SNTA1: variants seen among roughly 807,000 people sequenced by gnomAD.
SNTA1 encodes the protein syntrophin alpha 1.
In SNTA1, 31 loss-of-function variants were observed where a neutral mutation model predicts 47.1. The ratio of observed to expected loss-of-function variants is 0.66; its 90% CI spans 0.49 to 0.89. The LOEUF is 0.89. SNTA1 is among the 40% of genes least tolerant of loss of function. The pLI, the probability that SNTA1 is intolerant of heterozygous loss-of-function variation, is 0.00. For synonymous variants in SNTA1, 300 were observed against 313.6 expected, an observed-to-expected ratio of 0.96 and a Z score of 0.46; for missense variants, 575 against 693.0, an observed-to-expected ratio of 0.83 and a Z score of 1.91.
Position 33,443,687 on chromosome 20 carries a change from A to G in SNTA1, c.-67T>C. 1 of 1,037,920 alleles carries G rather than the reference A, an allele frequency of 9.6e-7. No homozygotes were observed. The highest frequency in any genetic ancestry group is 1.2e-6 in the Non-Finnish European group (1 of 838,038). The allele number at this position is 1,037,920 out of a possible 1,614,324, so 64.3% of individuals were successfully genotyped here. A position where few individuals can be genotyped will look rare whatever the true frequency, so the allele number is the denominator to read the frequency against. On this transcript the variant is annotated 5_prime_UTR_variant, in exon 1 of 8. Transcript: ENST00000217381. ...CGCTTTGCCCAGCCCGCTCCGACCA[A>G]GCGCCCAGGGCAGAGGGCAGCGGGG...
intron 2 of SNTA1, among the ~76,000 whole-genome samples, chr20:33,432,637 A>C (rs1391214259): frequency 2.6e-5 from 4 of 152,194 alleles, no homozygotes; most frequent in African/African-American, 9.7e-5. Flanking sequence ...GCACTTTGGG[A>C]GGACTGCTAG....
chr20:33,430,395 TCTC>T (rs1990276509), intron 2 of SNTA1, among the ~76,000 whole-genome samples: 1 of 150,644 alleles, frequency 6.6e-6, no homozygotes, highest in African/African-American at 2.4e-5. Context: ...CTCAAGCAAT[TCTC>T]CTGCCTCAGC....
chr20:33,438,735 C>T, intron 2 of SNTA1, 106 bp downstream of exon 2: 2 of 978,166 alleles, frequency 2.0e-6, no homozygotes, highest in Non-Finnish European at 3.3e-6. Flanking sequence ...CTGCCCACCT[C>T]CCAGCCCCCA....
chr20:33,417,804 G>C lies in SNTA1; in HGVS notation c.616C>G (p.Pro206Ala). 1 of 1,614,122 alleles carries C rather than the reference G, an allele frequency of 6.2e-7. No individual in the cohort carries two copies. Among genetic ancestry groups the C allele is most frequent in the Middle Eastern group, 1.6e-4 (1 of 6,062 alleles). Residue 206 changes from proline (P) to alanine (A), a missense_variant, in exon 3 of 8, where the codon CCC becomes GCC. Physicochemically the swap from Pro to Ala is conservative, Grantham distance 27. Coordinates refer to ENST00000217381, the MANE Select transcript of SNTA1 (RefSeq NM_003098.3). Reference protein sequence around the residue: ...QRQPSSPGPTPRNFSEAKHMS... With the variant: ...QRQPSSPGPTARNFSEAKHMS... The stretch of plus-strand genomic sequence containing the variant: ...TGTTTGGCCTCGCTGAAGTTCCGGG[G>C]TGTGGGGCCAGGGGAGGAAGGCTGC...
At chr20:33,426,169 C>A (rs1172077556) in intron 2 of SNTA1, among the ~76,000 whole-genome samples, 1 of 151,902 alleles carries the variant, frequency 6.6e-6, no homozygotes, top group African/African-American at 2.4e-5. Context: ...TTCAGCTGGG[C>A]CAGGCGCAGT....
chr20:33,420,850 C>T (rs1434885889), intron 2 of SNTA1, among the ~76,000 whole-genome samples: 19 of 151,584 alleles, frequency 1.3e-4, no homozygotes, highest in Admixed American at 1.3e-3. Flanking sequence ...TGGGCGTGGT[C>T]GTGGGCACCT....
chr20:33,422,496 T>C (rs904077285), intron 2 of SNTA1, among the ~76,000 whole-genome samples: 2 of 149,924 alleles, frequency 1.3e-5, no homozygotes, highest in African/African-American at 2.5e-5. Context: ...AAACCCAGAG[T>C]TGGCTGGGCA....
intron 2 of SNTA1, among the ~76,000 whole-genome samples, chr20:33,418,792 C>CAAAAA (rs760390793): frequency 3.7e-4 from 21 of 57,448 alleles, no homozygotes; most frequent in African/African-American, 1.3e-3. Context: ...GACTCTGTCT[C>CAAAAA]AAAAAAAAAA....
chr20:33,410,465 G>A, intron 5 of SNTA1, 134 bp from the exon 6 acceptor site: 1 of 638,974 alleles, frequency 1.6e-6, no homozygotes, highest in South Asian at 1.9e-5. Flanking sequence ...TTGCCAGGGG[G>A]CACTGATTGA....
intron 1 of SNTA1, among the ~76,000 whole-genome samples, chr20:33,442,060 ACACT>A (rs1352295860): frequency 6.6e-6 from 1 of 152,202 alleles, no homozygotes; most frequent in Non-Finnish European, 1.5e-5. Context: ...CCCAGCACTG[ACACT>A]CACTATGTAA....
At chr20:33,436,729 G>A (rs911209186) in intron 2 of SNTA1, among the ~76,000 whole-genome samples, 4 of 152,006 alleles carry the variant, frequency 2.6e-5, no homozygotes, top group South Asian at 2.1e-4. Flanking sequence ...TTGGGAGGCC[G>A]AGGCAGGCAG....
intron 2 of SNTA1, among the ~76,000 whole-genome samples, chr20:33,430,724 G>A (rs1291797059): frequency 2.0e-5 from 3 of 151,662 alleles, no homozygotes; most frequent in Admixed American, 6.6e-5. Context: ...AGAGGAGGGC[G>A]GATCACATGA....
intron 3 of SNTA1, among the ~76,000 whole-genome samples, chr20:33,416,026 T>G (rs1989865082): frequency 6.6e-6 from 1 of 152,074 alleles, no homozygotes; most frequent in Admixed American, 6.6e-5. Context: ...GAGAATCGCT[T>G]GAACCCGGGA....
At position 33,438,998 on chromosome 20, in the gene SNTA1, G is replaced by A. The variant is rs746780665; in HGVS notation, c.339C>T (p.Leu113=). Residue 113 remains leucine, a synonymous_variant, in exon 2 of 8, where the codon CTC becomes CTT. Transcript: ENST00000217381. ...CCAATCCCTTGAAGATCTTGGAAAT[G>A]AGAATAGGCATCTTGTTCTCCCGGC... is the stretch of plus-strand genomic sequence containing the variant. ...KGGRENKMPI[L]ISKIFKGLAA... 1.2e-6 allele frequency: 2 copies of A among 1,614,078 alleles called. No homozygotes were observed. Among genetic ancestry groups the A allele is most frequent in the Non-Finnish European group, 1.7e-6 (2 of 1,180,050 alleles).
chr20:33,436,038 C>CA (rs1250600715), intron 2 of SNTA1, among the ~76,000 whole-genome samples: 1 of 151,840 alleles, frequency 6.6e-6, no homozygotes, highest in African/African-American at 2.4e-5. Context: ...ACTAATAATA[C>CA]AAAAAATTAG....
At chr20:33,440,274 G>A (rs996209854) in intron 1 of SNTA1, among the ~76,000 whole-genome samples, 3 of 151,910 alleles carry the variant, frequency 2.0e-5, no homozygotes, top group Admixed American at 1.3e-4. Flanking sequence ...TGGCCAACAT[G>A]GCAAAACCCC....
chr20:33,412,790 C>T lies in SNTA1; in HGVS notation c.702-8G>A, dbSNP rs745399685. The T allele has an allele frequency of 3.1e-6, 5 of 1,595,032 alleles. No homozygotes were observed. The African/African-American group carries it at 4.0e-5, about 13-fold the overall frequency. On this transcript the variant is annotated splice_polypyrimidine_tract_variant and splice_region_variant and intron_variant, in intron 3 of 7. Coordinates refer to ENST00000217381, the MANE Select transcript of SNTA1 (RefSeq NM_003098.3). ...GAGCAGATCTCCAGATACCTGCAGG[C>T]ACAAATGGGTGGAGACAAGGACCTG...
intron 2 of SNTA1, among the ~76,000 whole-genome samples, chr20:33,419,496 C>G (rs1989967442): frequency 6.6e-6 from 1 of 152,150 alleles, no homozygotes. Context: ...AAACCAGGGT[C>G]AGGTTTTTTT....
At chr20:33,429,417 C>G (rs983569071) in intron 2 of SNTA1, among the ~76,000 whole-genome samples, 7 of 147,064 alleles carry the variant, frequency 4.8e-5, no homozygotes. Flanking sequence ...TTTGGGAGTC[C>G]GAGGCAGGTG....
Sources: gnomAD v4.1 joint callset for allele counts (sites outside exome capture counted in the v4.1 genomes callset) on GRCh38, gnomAD v4.1.1 for gene constraint, MANE v1.5 for transcripts, NCBI Gene and HGNC (gene_info 2026-07-23, HGNC 2026-07-21) for gene names.